Variants in MSRB3 observed in about 807,000 individuals in gnomAD.
MSRB3 encodes methionine sulfoxide reductase B3, also known as methionine-R-sulfoxide reductase B3.
Under a neutral mutation model 21.0 loss-of-function variants are expected in MSRB3, and 13 were observed. The observed-to-expected ratio is 0.62, with a 90% CI of 0.40 to 0.98. The LOEUF is 0.98. Ranked by LOEUF, MSRB3 falls within the 50% of genes least tolerant of loss-of-function variation. MSRB3 has a pLI of 0.00. For missense variants in MSRB3, 199 were observed against 230.3 expected, an observed-to-expected ratio of 0.86 and a Z score of 0.88; for synonymous variants, 87 against 88.6, an observed-to-expected ratio of 0.98 and a Z score of 0.10.
At chr12:65,412,204 G>A (rs911259115) in intron 5 of MSRB3, among the ~76,000 whole-genome samples, 2 of 152,018 alleles carry the variant, frequency 1.3e-5, no homozygotes, top group Admixed American at 6.6e-5. Flanking sequence ...TTAAACAAGA[G>A]CCATCTTATT....
At chr12:65,424,175 A>G (rs1881460819) in intron 5 of MSRB3, among the ~76,000 whole-genome samples, 2 of 151,058 alleles carry the variant, frequency 1.3e-5, no homozygotes, top group Admixed American at 1.3e-4. Context: ...TATTTGTGTA[A>G]TACCTCCTTT....
Position 65,466,037 on chromosome 12 carries a change from A to G in MSRB3, c.*2715A>G, listed in dbSNP as rs1435675630. The G allele has an allele frequency of 6.6e-6, 1 of 152,090 alleles. No homozygotes were observed. Among genetic ancestry groups the G allele is most frequent in the African/African-American group, 2.4e-5 (1 of 41,428 alleles). The allele number at this position is 152,090 out of a possible 1,614,324, so 9.4% of individuals were successfully genotyped here. ...GAGGTAGACAAGGAGGATCAGTGAGAGGCCTCTTCCCTCTCCACAGAGACT... is the reference window on the plus strand; with the variant it reads ...GAGGTAGACAAGGAGGATCAGTGAGGGGCCTCTTCCCTCTCCACAGAGACT... On this transcript the variant is annotated 3_prime_UTR_variant, in exon 7 of 7. Transcript: ENST00000308259.
chr12:65,376,993 T>C (rs1472904403), intron 5 of MSRB3, among the ~76,000 whole-genome samples: 2 of 152,222 alleles, frequency 1.3e-5, no homozygotes, highest in Non-Finnish European at 2.9e-5. Context: ...AGACTTTATA[T>C]GATTCAAATG....
chr12:65,430,052 T>G (rs1342609593), intron 5 of MSRB3, among the ~76,000 whole-genome samples: 1 of 152,150 alleles, frequency 6.6e-6, no homozygotes, highest in Admixed American at 6.6e-5. Flanking sequence ...AATTGCCTGC[T>G]TTCCTTCCTT....
chr12:65,352,073 T>C (rs917386729), intron 4 of MSRB3, among the ~76,000 whole-genome samples: 1 of 152,018 alleles, frequency 6.6e-6, no homozygotes, highest in Non-Finnish European at 1.5e-5. Context: ...AATAAAATAC[T>C]GGCAAAACGA....
intron 5 of MSRB3, among the ~76,000 whole-genome samples, chr12:65,418,018 A>G (rs1335921188): frequency 6.6e-6 from 1 of 152,332 alleles, no homozygotes; most frequent in East Asian, 1.9e-4. Flanking sequence ...GCTGGATCAT[A>G]TGGTAGATCT....
chr12:65,340,414 G>T (rs1040006855), intron 4 of MSRB3, among the ~76,000 whole-genome samples: 1 of 152,070 alleles, frequency 6.6e-6, no homozygotes, highest in Non-Finnish European at 1.5e-5. Context: ...AAGAAGATGG[G>T]AAAGCAATAT....
chr12:65,458,037 G>C (rs1038995021), intron 6 of MSRB3, among the ~76,000 whole-genome samples: 7 of 152,156 alleles, frequency 4.6e-5, no homozygotes, highest in Non-Finnish European at 1.0e-4. Context: ...GTGTGTTGTA[G>C]ACATTTTCAG....
intron 4 of MSRB3, among the ~76,000 whole-genome samples, chr12:65,354,642 A>G (rs1336875149): frequency 6.6e-6 from 1 of 151,544 alleles, no homozygotes; most frequent in East Asian, 1.9e-4. Flanking sequence ...TTTTTTTAAG[A>G]AAGATCTTTA....
intron 4 of MSRB3, among the ~76,000 whole-genome samples, chr12:65,345,618 G>GTA (rs1022193573): frequency 1.3e-5 from 2 of 151,974 alleles, no homozygotes; most frequent in African/African-American, 4.8e-5. Context: ...TTTAGGGTAC[G>GTA]TATGCACAAC....
chr12:65,379,939 A>G (rs1878849328), intron 5 of MSRB3, among the ~76,000 whole-genome samples: 1 of 152,244 alleles, frequency 6.6e-6, no homozygotes, highest in East Asian at 1.9e-4. Context: ...ATGGCGAAGG[A>G]CATATGAGTA....
At chr12:65,455,265 T>G (rs1343371579) in intron 6 of MSRB3, among the ~76,000 whole-genome samples, 1 of 150,604 alleles carries the variant, frequency 6.6e-6, no homozygotes, top group Non-Finnish European at 1.5e-5. Flanking sequence ...AAAAAAAGAC[T>G]GGCAAGTCTC....
intron 4 of MSRB3, among the ~76,000 whole-genome samples, chr12:65,353,821 C>T (rs998112599): frequency 2.6e-5 from 4 of 152,056 alleles, no homozygotes; most frequent in Non-Finnish European, 4.4e-5. Flanking sequence ...TTCTTAGCCT[C>T]GATGGTCTTC....
chr12:65,463,384 T>A lies in MSRB3; in HGVS notation c.*62T>A. The A allele has an allele frequency of 6.4e-7, 1 of 1,572,418 alleles. No individual in the cohort carries two copies. ...GCACAGCTTATTAAAAAAATCAAAATTGTTATCTTAATAGATATATTTTTT... is the reference window on the plus strand; with the variant it reads ...GCACAGCTTATTAAAAAAATCAAAAATGTTATCTTAATAGATATATTTTTT... On this transcript the variant is annotated 3_prime_UTR_variant, in exon 7 of 7. Coordinates refer to ENST00000308259, the MANE Select transcript of MSRB3 (RefSeq NM_001031679.3).
intron 2 of MSRB3, among the ~76,000 whole-genome samples, chr12:65,321,093 C>G (rs973327255): frequency 6.6e-6 from 1 of 152,176 alleles, no homozygotes; most frequent in Non-Finnish European, 1.5e-5. Flanking sequence ...TCCTTTCACT[C>G]CCAGTCCTCC....
At chr12:65,389,780 AC>A (rs1879379653) in intron 5 of MSRB3, among the ~76,000 whole-genome samples, 2 of 152,110 alleles carry the variant, frequency 1.3e-5, no homozygotes, top group Admixed American at 6.5e-5. Flanking sequence ...AAAATCCTCA[AC>A]CATCTGCTTT....
chr12:65,450,149 T>C (rs1882793653), intron 5 of MSRB3, among the ~76,000 whole-genome samples: 1 of 152,050 alleles, frequency 6.6e-6, no homozygotes, highest in African/African-American at 2.4e-5. Flanking sequence ...GTAGATGATA[T>C]AGCAAGCACC....
chr12:65,334,887 G>C (rs1875659423), intron 4 of MSRB3, among the ~76,000 whole-genome samples: 1 of 152,150 alleles, frequency 6.6e-6, no homozygotes, highest in Non-Finnish European at 1.5e-5. Flanking sequence ...TTCTCAAATA[G>C]CTGCATTCCA....
chr12:65,348,869 T>A (rs1039075717), intron 4 of MSRB3, among the ~76,000 whole-genome samples: 1 of 152,172 alleles, frequency 6.6e-6, no homozygotes, highest in Non-Finnish European at 1.5e-5. Context: ...AGGAGCAGGT[T>A]GTTCAGTTTC....
Sources: gnomAD v4.1 joint callset for allele counts (sites outside exome capture counted in the v4.1 genomes callset) on GRCh38, gnomAD v4.1.1 for gene constraint, MANE v1.5 for transcripts, NCBI Gene and HGNC (gene_info 2026-07-23, HGNC 2026-07-21) for gene names.